Variants in MYOG observed in about 807,000 individuals in gnomAD.
MYOG encodes myogenin, also known as class C basic helix-loop-helix protein 3.
Under a neutral mutation model 17.7 loss-of-function variants are expected in MYOG, and 6 were observed. That is an observed-to-expected ratio of 0.34 (90% CI 0.19 to 0.67). MYOG has a LOEUF of 0.67. Among genes scored for constraint, MYOG ranks in the 30% least tolerant of loss-of-function variants. MYOG has a pLI of 0.69. For missense variants in MYOG, 272 were observed against 302.0 expected, an observed-to-expected ratio of 0.90 and a Z score of 0.74; for synonymous variants, 125 against 130.2, an observed-to-expected ratio of 0.96 and a Z score of 0.27.
chr1:203,084,535 A>T (rs11807924), intron 2 of MYOG, 112 bp downstream of exon 2: 1 of 971,886 alleles, frequency 1.0e-6, no homozygotes, highest in Non-Finnish European at 1.6e-6. Flanking sequence ...GCAGGTCCCT[A>T]GAGAGACCCA....
In MYOG at chr1:203,083,627, G is replaced by A; in HGVS notation, c.*283C>T. The stretch of plus-strand genomic sequence containing the variant: ...AAGGAAGCTCCTGAGTTTGCCCCCT[G>A]AGCTGGGGCATACACGAGGGGGCGC... On this transcript the variant is annotated 3_prime_UTR_variant, in exon 3 of 3. Coordinates refer to ENST00000241651, the MANE Select transcript of MYOG (RefSeq NM_002479.6). The A allele has an allele frequency of 3.6e-6, 2 of 560,742 alleles. No homozygotes were observed. Among genetic ancestry groups the A allele is most frequent in the Admixed American group, 6.0e-5 (2 of 33,334 alleles). 34.7% of individuals were successfully genotyped at this position (560,742 alleles called of 1,614,324 possible).
In MYOG at chr1:203,084,019, G is replaced by T. The variant is rs534586936; in HGVS notation, c.566C>A (p.Thr189Lys). The T allele has an allele frequency of 1.9e-6, 3 of 1,596,984 alleles. No individual in the cohort carries two copies. Among genetic ancestry groups the T allele is most frequent in the Middle Eastern group, 1.7e-4 (1 of 6,054 alleles). ...GTTGTGGGCATCTGTAGGGTCAGCC[G>T]TGAGCAGATGATCTGTAAGGGGAGG... ...FSANPGDHLL[T>K]ADPTDAHNLH... The change falls in exon 3 of 3, where the codon ACG becomes AAG. Residue 189 changes from threonine (T) to lysine (K), a missense_variant. Transcript: ENST00000241651.
chr1:203,083,737 G>A lies in MYOG; in HGVS notation c.*173C>T. ...GAATGAGGGCGTCCAGTCCCTTGCT[G>A]GGGGGTGGGTTAACCTTACATGGAT... On this transcript the variant is annotated 3_prime_UTR_variant, in exon 3 of 3. Transcript: ENST00000241651. The A allele has an allele frequency of 1.1e-6, 1 of 950,168 alleles. No homozygotes were observed. The highest frequency in any genetic ancestry group is 1.6e-5 in the South Asian group (1 of 61,988). 58.9% of individuals were successfully genotyped at this position (950,168 alleles called of 1,614,324 possible).
Position 203,085,957 on chromosome 1 carries a change from T to A in MYOG, c.5A>T (p.Glu2Val). Residue 2 changes from glutamate to valine, a missense_variant, in exon 1 of 3, where the codon GAG becomes GTG. Glu to Val is a moderately radical substitution (Grantham distance 121). Transcript: ENST00000241651. Reference sequence around the variant, plus strand: ...GAAGTAGGGGGATGTCTCATACAGCTCCATGGGGTCGGAAAAGGCTTGTTC... The same window carrying A: ...GAAGTAGGGGGATGTCTCATACAGCACCATGGGGTCGGAAAAGGCTTGTTC... M[E>V]LYETSPYFYQ... 6.4e-7 allele frequency: 1 copy of A among 1,557,766 alleles called. No individual in the cohort carries two copies. The highest frequency in any genetic ancestry group is 8.7e-7 in the Non-Finnish European group (1 of 1,153,282).
In MYOG at chr1:203,085,930, T is replaced by C. The variant is rs1041331637; in HGVS notation, c.32A>G (p.Tyr11Cys). Reference protein sequence around the residue: MELYETSPYFYQEPRFYDGEN... With the variant: MELYETSPYFCQEPRFYDGEN... ...CCCATCATAGAAGCGGGGTTCCTGG[T>C]AGAAGTAGGGGGATGTCTCATACAG... The change falls in exon 1 of 3, where the codon TAC (tyrosine) becomes TGC (cysteine). Residue 11 changes from tyrosine to cysteine, a missense_variant. Physicochemically the swap from Tyr to Cys is radical, Grantham distance 194 (BLOSUM62 -2). Coordinates refer to ENST00000241651, the MANE Select transcript of MYOG (RefSeq NM_002479.6). 6.2e-7 allele frequency: 1 copy of C among 1,600,764 alleles called. No homozygotes were observed. The highest frequency in any genetic ancestry group is 1.1e-5 in the South Asian group (1 of 88,758).
At chr1:203,085,439 G>T in intron 1 of MYOG, 52 bp downstream of exon 1, 1 of 1,495,962 alleles carries the variant, frequency 6.7e-7, no homozygotes. Flanking sequence ...CTGTCCAGGT[G>T]CCTCCCTCTG....
chr1:203,085,662 G>A lies in MYOG; in HGVS notation c.300C>T (p.Ala100=). 1.2e-6 allele frequency: 2 copies of A among 1,614,196 alleles called. No homozygotes were observed. Among genetic ancestry groups the A allele is most frequent in the African/African-American group, 1.3e-5 (1 of 75,054 alleles). The part of the protein sequence containing the change: ...EKRRLKKVNE[A]FEALKRSTLL... ...GGGTGCTTCTCTTCAGGGCCTCGAA[G>A]GCCTCATTCACCTTCTTGAGCCTGC... is the stretch of plus-strand genomic sequence containing the variant. Residue 100 remains alanine (A), a synonymous_variant, in exon 1 of 3, where the codon GCC becomes GCT. Coordinates refer to ENST00000241651, the MANE Select transcript of MYOG (RefSeq NM_002479.6).
In MYOG at chr1:203,083,129, T is replaced by G. The variant is rs1463462499; in HGVS notation, c.*781A>C. 6.7e-6 allele frequency: 1 copy of G among 149,700 alleles called. No individual in the cohort carries two copies. The highest frequency in any genetic ancestry group is 2.0e-4 in the East Asian group (1 of 5,122). 9.3% of individuals were successfully genotyped at this position (149,700 alleles called of 1,614,324 possible). ...TCCCTCTGCATCATCACCGACACTC[T>G]TCTGGCAACCAGTCTTTATTCATTT... is the stretch of plus-strand genomic sequence containing the variant. On this transcript the variant is annotated 3_prime_UTR_variant, in exon 3 of 3. Coordinates refer to ENST00000241651, the MANE Select transcript of MYOG (RefSeq NM_002479.6).
At position 203,083,917 on chromosome 1, in the gene MYOG, G is replaced by T; in HGVS notation, c.668C>A (p.Pro223His). The T allele has an allele frequency of 6.3e-7, 1 of 1,589,962 alleles. No individual in the cohort carries two copies. Among genetic ancestry groups the T allele is most frequent in the Non-Finnish European group, 8.6e-7 (1 of 1,167,556 alleles). ...VSVAFPDETM[P>H]N Reference sequence around the variant, plus strand: ...CCGGCTTGGAAGACAATCTCAGTTGGGCATGGTTTCATCTGGGAAGGCCAC... The same window carrying T: ...CCGGCTTGGAAGACAATCTCAGTTGTGCATGGTTTCATCTGGGAAGGCCAC... The change falls in exon 3 of 3, where the codon CCC (proline) becomes CAC (histidine). Residue 223 changes from proline (P) to histidine (H), a missense_variant. Coordinates refer to ENST00000241651, the MANE Select transcript of MYOG (RefSeq NM_002479.6).
chr1:203,084,757 G>A (rs779922806), intron 1 of MYOG, 29 bp from the exon 2 acceptor site: 5 of 1,577,224 alleles, frequency 3.2e-6, no homozygotes, highest in African/African-American at 2.7e-5. Flanking sequence ...GCCCAAGGTC[G>A]GGGCACAGCC....
In MYOG at chr1:203,085,940, G is replaced by C. The variant is rs200192512; in HGVS notation, c.22C>G (p.Pro8Ala). ...AAGCGGGGTTCCTGGTAGAAGTAGG[G>C]GGATGTCTCATACAGCTCCATGGGG... The part of the protein sequence containing the change: MELYETS[P>A]YFYQEPRFYD... Residue 8 changes from proline to alanine, a missense_variant, in exon 1 of 3, where the codon CCC (proline) becomes GCC (alanine). Coordinates refer to ENST00000241651, the MANE Select transcript of MYOG (RefSeq NM_002479.6). The C allele has an allele frequency of 1.4e-5, 22 of 1,594,462 alleles. No individual in the cohort carries two copies. Among genetic ancestry groups the C allele is most frequent in the East Asian group, 2.2e-5 (1 of 44,772 alleles).
In MYOG at chr1:203,084,779, T is replaced by C. The variant is rs375037320; in HGVS notation, c.472-51A>G. 2.6e-6 allele frequency: 4 copies of C among 1,529,066 alleles called. No homozygotes were observed. The African/African-American group carries it at 5.5e-5, about 21-fold the overall frequency. The allele number at this position is 1,529,066 out of a possible 1,614,324, so 94.7% of individuals were successfully genotyped here. A position where few individuals can be genotyped will look rare whatever the true frequency, so the allele number is the denominator to read the frequency against. On this transcript the variant is annotated intron_variant, in intron 1 of 2. Coordinates refer to ENST00000241651, the MANE Select transcript of MYOG (RefSeq NM_002479.6). ...GTCGGGGCACAGCCATTCTTTGATG[T>C]CTCTCTCTGCCTAGTCCCAGTGGGC...
Position 203,083,612 on chromosome 1 carries a change from C to T in MYOG, c.*298G>A, listed in dbSNP as rs967253560. The T allele has an allele frequency of 3.5e-5, 19 of 539,652 alleles. No homozygotes were observed. The African/African-American group carries it at 3.6e-4, about 10-fold the overall frequency. The allele number at this position is 539,652 out of a possible 1,614,324, so 33.4% of individuals were successfully genotyped here. Reference sequence around the variant, plus strand: ...CCGCGTTATGATAAAAAGGAAGCTCCTGAGTTTGCCCCCTGAGCTGGGGCA... The same window carrying T: ...CCGCGTTATGATAAAAAGGAAGCTCTTGAGTTTGCCCCCTGAGCTGGGGCA... On this transcript the variant is annotated 3_prime_UTR_variant, in exon 3 of 3. Transcript: ENST00000241651.
Position 203,084,669 on chromosome 1 carries a change from C to T in MYOG, c.531G>A (p.Leu177=). Residue 177 remains leucine (L), a synonymous_variant, in exon 2 of 3, where the codon CTG becomes CTA. Coordinates refer to ENST00000241651, the MANE Select transcript of MYOG (RefSeq NM_002479.6). The part of the protein sequence containing the change: ...ASCSPEWGSA[L]EFSANPGDHL... The stretch of plus-strand genomic sequence containing the variant: ...TACCCCCTGGGTTGGCGCTGAACTC[C>T]AGTGCACTGCCCCACTCTGGACTGC... The T allele has an allele frequency of 6.2e-7, 1 of 1,611,452 alleles. No individual in the cohort carries two copies. Among genetic ancestry groups the T allele is most frequent in the Non-Finnish European group, 8.5e-7 (1 of 1,178,828 alleles).
In MYOG at chr1:203,083,569, G is replaced by T. The variant is rs76972905; in HGVS notation, c.*341C>A. The T allele has an allele frequency of 9.5e-6, 5 of 524,240 alleles. No homozygotes were observed. Among genetic ancestry groups the T allele is most frequent in the South Asian group, 7.2e-5 (2 of 27,796 alleles). The allele number at this position is 524,240 out of a possible 1,614,324, so 32.5% of individuals were successfully genotyped here. On this transcript the variant is annotated 3_prime_UTR_variant, in exon 3 of 3. Transcript: ENST00000241651. Reference sequence around the variant, plus strand: ...CTGCGTCTCTCAAACCGTTTCACTTGGGGGGTGGAATTAGAGGCCGCGTTA... The same window carrying T: ...CTGCGTCTCTCAAACCGTTTCACTTTGGGGGTGGAATTAGAGGCCGCGTTA...
In MYOG at chr1:203,084,691, C is replaced by A. The variant is rs749154177; in HGVS notation, c.509G>T (p.Ser170Ile). The change falls in exon 2 of 3, where the codon AGT becomes ATT. Residue 170 changes from serine (S) to isoleucine (I), a missense_variant. Physicochemically the swap from Ser to Ile is moderately radical, Grantham distance 142. Transcript: ENST00000241651. The stretch of plus-strand genomic sequence containing the variant: ...CTCCAGTGCACTGCCCCACTCTGGA[C>A]TGCAGGAGGCGCTGTGAGAGCTGCA... The part of the protein sequence containing the change: ...SECSSHSASC[S>I]PEWGSALEFS... 1.2e-6 allele frequency: 2 copies of A among 1,611,838 alleles called. No homozygotes were observed. Among genetic ancestry groups the A allele is most frequent in the Non-Finnish European group, 1.7e-6 (2 of 1,178,994 alleles).
intron 2 of MYOG, among the ~76,000 whole-genome samples, 200 bp downstream of exon 2, chr1:203,084,447 G>A (rs543647838): frequency 6.6e-6 from 1 of 152,272 alleles, no homozygotes; most frequent in South Asian, 2.1e-4. Context: ...AGCTGCAGGA[G>A]CTACTATCAC....
rs747100413 is a variant in MYOG at position 203,083,494 on chromosome 1, C to T, written c.*416G>A. On this transcript the variant is annotated 3_prime_UTR_variant, in exon 3 of 3. Transcript: ENST00000241651. ...GCAGGCCCAGCCCAGCCACTGGCATCGGGAAGAGACCAGAACAGGAGACGT... is the reference window on the plus strand; with the variant it reads ...GCAGGCCCAGCCCAGCCACTGGCATTGGGAAGAGACCAGAACAGGAGACGT... 7 of 420,698 alleles carry T rather than the reference C, an allele frequency of 1.7e-5. No individual in the cohort carries two copies. The highest frequency in any genetic ancestry group is 3.9e-5 in the Admixed American group (1 of 25,844). 26.1% of individuals were successfully genotyped at this position (420,698 alleles called of 1,614,324 possible). A position where few individuals can be genotyped will look rare whatever the true frequency, so the allele number is the denominator to read the frequency against.
In MYOG at chr1:203,085,941, G is replaced by A. The variant is rs1389659968; in HGVS notation, c.21C>T (p.Ser7=). Residue 7 remains serine (S), a synonymous_variant, in exon 1 of 3, where the codon TCC becomes TCT. Coordinates refer to ENST00000241651, the MANE Select transcript of MYOG (RefSeq NM_002479.6). ...AGCGGGGTTCCTGGTAGAAGTAGGG[G>A]GATGTCTCATACAGCTCCATGGGGT... MELYET[S]PYFYQEPRFY... is the part of the protein sequence containing the mutation. 1 of 1,593,782 alleles carries A rather than the reference G, an allele frequency of 6.3e-7. No homozygotes were observed. The highest frequency in any genetic ancestry group is 8.5e-7 in the Non-Finnish European group (1 of 1,170,808).
Sources: gnomAD v4.1 joint callset for allele counts (sites outside exome capture counted in the v4.1 genomes callset) on GRCh38, gnomAD v4.1.1 for gene constraint, MANE v1.5 for transcripts, NCBI Gene and HGNC (gene_info 2026-07-23, HGNC 2026-07-21) for gene names.